SGCD: variants seen among roughly 807,000 people sequenced by gnomAD.
SGCD encodes sarcoglycan delta, also known as delta-sarcoglycan.
Under a neutral mutation model 36.6 loss-of-function variants are expected in SGCD, and 18 were observed. The observed-to-expected ratio is 0.49, with a 90% CI of 0.34 to 0.73. The LOEUF (loss-of-function observed/expected upper bound fraction) is 0.73. SGCD is among the 30% of genes least tolerant of loss of function. SGCD has a pLI of 0.01. For missense variants in SGCD, 387 were observed against 346.7 expected (o/e 1.12, Z -0.92); for synonymous variants, 133 against 130.6 (o/e 1.02, Z -0.12).
chr5:156,702,820 TCAA>T (rs1754577507), intron 7 of SGCD, among the ~76,000 whole-genome samples: 1 of 150,982 alleles, frequency 6.6e-6, no homozygotes, highest in Admixed American at 6.6e-5. Context: ...AACTATCTTC[TCAA>T]TGATGTTGAA....
At chr5:156,504,392 G>GTGTGTATATATA (rs1413599402) in intron 3 of SGCD, among the ~76,000 whole-genome samples, 4 of 75,070 alleles carry the variant, frequency 5.3e-5, no homozygotes, top group African/African-American at 1.5e-4. Context: ...GTGTGTGTGT[G>GTGTGTATATATA]TATATATATA....
chr5:156,404,910 T>G (rs1772331763), intron 3 of SGCD, among the ~76,000 whole-genome samples: 1 of 152,172 alleles, frequency 6.6e-6, no homozygotes, highest in South Asian at 2.1e-4. Flanking sequence ...GAGAAACTTG[T>G]AAATATGATG....
chr5:156,184,571 A>C (rs901492656), intron 3 of SGCD, among the ~76,000 whole-genome samples: 3 of 152,128 alleles, frequency 2.0e-5, no homozygotes, highest in African/African-American at 7.2e-5. Flanking sequence ...TATATTTATG[A>C]GACTTCTTAA....
At chr5:156,570,505 ATAC>A (rs1759675250) in intron 4 of SGCD, among the ~76,000 whole-genome samples, 1 of 152,208 alleles carries the variant, frequency 6.6e-6, no homozygotes, top group Non-Finnish European at 1.5e-5. Flanking sequence ...ACATTGATAG[ATAC>A]ATACCTAGTC....
At chr5:156,561,729 T>A (rs1448236949) in intron 4 of SGCD, among the ~76,000 whole-genome samples, 1 of 152,008 alleles carries the variant, frequency 6.6e-6, no homozygotes, top group Non-Finnish European at 1.5e-5. Context: ...CAATTTTTGT[T>A]CTATATCACA....
chr5:156,098,645 C>G (rs1401162933), intron 1 of SGCD, among the ~76,000 whole-genome samples: 5 of 151,620 alleles, frequency 3.3e-5, no homozygotes, highest in Non-Finnish European at 7.4e-5. Flanking sequence ...TGTATACACA[C>G]ACACACACAC....
chr5:156,053,218 A>T (rs1218514285), intron 1 of SGCD, among the ~76,000 whole-genome samples: 2 of 146,172 alleles, frequency 1.4e-5, no homozygotes, highest in African/African-American at 4.9e-5. Flanking sequence ...GCTCATCCTC[A>T]ACCCTCCCCT....
chr5:156,044,523 C>T (rs1166722335), intron 1 of SGCD, among the ~76,000 whole-genome samples: 1 of 152,134 alleles, frequency 6.6e-6, no homozygotes, highest in Non-Finnish European at 1.5e-5. Context: ...TTGCTGTCTT[C>T]CCCTTTTTAA....
chr5:156,593,297 G>GC (rs1760796304), intron 5 of SGCD, among the ~76,000 whole-genome samples: 1 of 152,094 alleles, frequency 6.6e-6, no homozygotes, highest in African/African-American at 2.4e-5. Context: ...GGCACTATCA[G>GC]CCCAGCCTTA....
intron 1 of SGCD, among the ~76,000 whole-genome samples, chr5:155,992,196 G>A (rs1758444971): frequency 6.6e-6 from 1 of 152,170 alleles, no homozygotes; most frequent in African/African-American, 2.4e-5. Context: ...GACTCAGATA[G>A]ATATAGACCT....
At chr5:156,599,250 T>G (rs1313096473) in intron 6 of SGCD, among the ~76,000 whole-genome samples, 3 of 152,218 alleles carry the variant, frequency 2.0e-5, no homozygotes, top group Non-Finnish European at 4.4e-5. Flanking sequence ...GAGGTTTGAA[T>G]CTGGTTGCAC....
chr5:156,503,897 A>G (rs545555596), intron 3 of SGCD, among the ~76,000 whole-genome samples: 1 of 152,116 alleles, frequency 6.6e-6, no homozygotes, highest in Admixed American at 6.5e-5. Flanking sequence ...TGTTTCTAGA[A>G]GATTTTAGAA....
At chr5:156,190,118 A>G (rs776839609) in intron 3 of SGCD, among the ~76,000 whole-genome samples, 2 of 152,116 alleles carry the variant, frequency 1.3e-5, no homozygotes, top group African/African-American at 2.4e-5. Context: ...GCATGGGCTG[A>G]CTAGTTCAGT....
intron 3 of SGCD, among the ~76,000 whole-genome samples, chr5:156,437,724 C>T (rs887751752): frequency 2.0e-4 from 30 of 152,162 alleles, no homozygotes; most frequent in Admixed American, 1.1e-3. Context: ...ATACTTAAAT[C>T]TCAGCCAACA....
chr5:156,424,514 TG>T (rs762848140), intron 3 of SGCD, among the ~76,000 whole-genome samples: 1 of 152,126 alleles, frequency 6.6e-6, no homozygotes, highest in Non-Finnish European at 1.5e-5. Context: ...TCCAAATTTT[TG>T]GTCTTGCCAC....
chr5:156,305,410 G>A (rs564548540), intron 3 of SGCD, among the ~76,000 whole-genome samples: 113 of 152,320 alleles, frequency 7.4e-4, no homozygotes, highest in African/African-American at 2.6e-3. Context: ...GCTTTCATGT[G>A]AGGTTGGGCC....
chr5:156,756,682 C>T (rs560605221), intron 7 of SGCD, among the ~76,000 whole-genome samples: 67 of 152,316 alleles, frequency 4.4e-4, no homozygotes, highest in African/African-American at 1.4e-3. Context: ...TAGAATGTGG[C>T]TGATTCTCTT....
chr5:156,547,656 A>G (rs1581151230), intron 4 of SGCD, among the ~76,000 whole-genome samples: 2 of 152,044 alleles, frequency 1.3e-5, no homozygotes, highest in Admixed American at 6.5e-5. Context: ...GTTAGCCAGG[A>G]TGGTCTCAAT....
At chr5:156,413,264 CA>C (rs1772864668) in intron 3 of SGCD, among the ~76,000 whole-genome samples, 1 of 152,134 alleles carries the variant, frequency 6.6e-6, no homozygotes, top group South Asian at 2.1e-4. Flanking sequence ...ATCAAATGTT[CA>C]AAGAAGGCAT....
Sources: allele counts gnomAD v4.1 joint callset (sites outside exome capture counted in the v4.1 genomes callset), GRCh38; gene constraint gnomAD v4.1.1; transcripts MANE v1.5; gene names NCBI Gene and HGNC (gene_info 2026-07-23, HGNC 2026-07-21).